The following MTCL3 variants were observed in gnomAD, a reference collection of about 807,000 sequenced individuals.
The protein encoded by MTCL3 is microtubule cross-linking factor 3.
At chr6:127,478,608 C>T in the MTCL3 span, among the ~76,000 whole-genome samples, 2 of 152,164 alleles carry the variant, frequency 1.3e-5, no homozygotes, top group African/African-American at 4.8e-5. Context: ...ACTAAGATTA[C>T]AGCTTGGCAC....
At chr6:127,517,569 T>C in the MTCL3 span, 1 of 152,240 alleles carries the variant, frequency 6.6e-6, no homozygotes, top group Non-Finnish European at 1.5e-5. Flanking sequence ...AATTGCTAGA[T>C]AGAAAATATT....
At chr6:127,479,411 A>G in the MTCL3 span, among the ~76,000 whole-genome samples, 1 of 152,344 alleles carries the variant, frequency 6.6e-6, no homozygotes, top group Non-Finnish European at 1.5e-5. Flanking sequence ...GCAAGAGTAG[A>G]TGAGACTGGG....
the MTCL3 span, chr6:127,516,222 G>A: frequency 1.4e-6 from 2 of 1,435,188 alleles, no homozygotes; most frequent in South Asian, 1.5e-5. Context: ...AAGCGGCCAG[G>A]GTCGCGGCGG....
the MTCL3 span, among the ~76,000 whole-genome samples, chr6:127,480,831 A>G: frequency 2.6e-5 from 4 of 152,204 alleles, no homozygotes; most frequent in Admixed American, 6.5e-5. Context: ...AAAATTGACC[A>G]TTTTATAATT....
At chr6:127,484,083 C>T in the MTCL3 span, among the ~76,000 whole-genome samples, 4 of 152,076 alleles carry the variant, frequency 2.6e-5, no homozygotes, top group Admixed American at 6.5e-5. Flanking sequence ...AATACCAAAT[C>T]GAGGTTCTGA....
At chr6:127,501,186 A>G in the MTCL3 span, among the ~76,000 whole-genome samples, 1 of 152,260 alleles carries the variant, frequency 6.6e-6, no homozygotes, top group African/African-American at 2.4e-5. Flanking sequence ...ACAGAATAAA[A>G]TTAACACTAG....
chr6:127,516,592 C>T, the MTCL3 span: 8 of 1,596,828 alleles, frequency 5.0e-6, no homozygotes, highest in Non-Finnish European at 6.8e-6. Context: ...AGGGGCAGCG[C>T]CCCCGATTGG....
the MTCL3 span, among the ~76,000 whole-genome samples, chr6:127,496,317 A>G: frequency 3.3e-5 from 5 of 152,238 alleles, no homozygotes; most frequent in Admixed American, 6.5e-5. Context: ...ATATATCTGA[A>G]GGCCAAGACA....
At chr6:127,485,454 A>G in the MTCL3 span, among the ~76,000 whole-genome samples, 1 of 152,124 alleles carries the variant, frequency 6.6e-6, no homozygotes, top group Admixed American at 6.5e-5. Flanking sequence ...AGGTCAAATT[A>G]TTGTCCTAGG....
chr6:127,512,904 TCCAG>T, the MTCL3 span: 1 of 1,611,050 alleles, frequency 6.2e-7, no homozygotes, highest in Admixed American at 1.7e-5. Flanking sequence ...TTTCATTTTT[TCCAG>T]TTCATTCTGT....
At chr6:127,482,672 C>T in the MTCL3 span, among the ~76,000 whole-genome samples, 266 of 152,184 alleles carry the variant, frequency 1.7e-3, no homozygotes, top group Non-Finnish European at 3.0e-3. This position sits in a 1 kb window ranked among gnomAD's most constrained non-coding sequence, Gnocchi z 4.1. Flanking sequence ...GTATAAAATA[C>T]GAATGACATT....
the MTCL3 span, among the ~76,000 whole-genome samples, chr6:127,481,628 G>A: frequency 1.4e-5 from 2 of 144,452 alleles, no homozygotes; most frequent in African/African-American, 5.0e-5. Flanking sequence ...TCTATCTAAT[G>A]TGAAAAAAAC....
At chr6:127,507,842 C>CAAAAAAAA in the MTCL3 span, among the ~76,000 whole-genome samples, 17 of 82,074 alleles carry the variant, frequency 2.1e-4, no homozygotes, top group African/African-American at 3.4e-4. Context: ...GACTATGTCT[C>CAAAAAAAA]AAAAAAAAAA....
the MTCL3 span, among the ~76,000 whole-genome samples, chr6:127,486,449 A>G: frequency 6.6e-6 from 1 of 152,198 alleles, no homozygotes; most frequent in African/African-American, 2.4e-5. Flanking sequence ...TGTGAGTCCA[A>G]GTAGTCCCTT....
the MTCL3 span, chr6:127,516,357 C>T: frequency 6.3e-7 from 1 of 1,598,944 alleles, no homozygotes. Flanking sequence ...CCGTGCGGCT[C>T]CCGGTCTTGT....
chr6:127,481,153 A>G, the MTCL3 span, among the ~76,000 whole-genome samples: 1 of 152,220 alleles, frequency 6.6e-6, no homozygotes, highest in Non-Finnish European at 1.5e-5. Flanking sequence ...GAATTCCTGC[A>G]TCAGAGACTA....
chr6:127,504,295 T>C, the MTCL3 span, among the ~76,000 whole-genome samples: 3 of 152,318 alleles, frequency 2.0e-5, no homozygotes, highest in East Asian at 1.9e-4. Flanking sequence ...TGTGAAGCTA[T>C]AGTCAAAATA....
the MTCL3 span, among the ~76,000 whole-genome samples, chr6:127,488,260 C>T: frequency 6.6e-6 from 1 of 152,170 alleles, no homozygotes; most frequent in Admixed American, 6.5e-5. Context: ...CCTTCCCAGG[C>T]CATTTCATAT....
the MTCL3 span, among the ~76,000 whole-genome samples, chr6:127,477,614 G>T: frequency 1.3e-5 from 2 of 152,188 alleles, no homozygotes; most frequent in East Asian, 3.8e-4. Context: ...ATGAGCTTCT[G>T]CCAGAGATGC....
Sources: allele counts gnomAD v4.1 joint callset (sites outside exome capture counted in the v4.1 genomes callset), GRCh38; gene constraint gnomAD v4.1.1; non-coding constraint Gnocchi (gnomAD v3.1); transcripts MANE v1.5; gene names NCBI Gene and HGNC (gene_info 2026-07-23, HGNC 2026-07-21).